Variants in MYT1 observed in about 807,000 individuals in gnomAD.
MYT1 encodes the protein myelin transcription factor 1, also known as myelin transcription factor I.
A neutral mutation model predicts 123.0 loss-of-function variants in MYT1; 23 were observed. The ratio of observed to expected loss-of-function variants is 0.19; its 90% confidence interval spans 0.13 to 0.26. The LOEUF is 0.26. Among genes scored for constraint, MYT1 ranks in the 10% least tolerant of loss-of-function variants. MYT1 has a pLI of 1.00. For missense variants in MYT1, 1,125 were observed against 1,472.5 expected, an observed-to-expected ratio of 0.76 and a Z score of 3.86; for synonymous variants, 518 against 575.3, an observed-to-expected ratio of 0.90 and a Z score of 1.43.
chr20:64,190,850 T>A lies in MYT1; in HGVS notation c.-1+690T>A, dbSNP rs1982948934. Among the ~76,000 whole-genome samples, 1 of 152,154 alleles carries A rather than the reference T, an allele frequency of 6.6e-6. No individual in the cohort carries two copies. Among genetic ancestry groups the A allele is most frequent in the South Asian group, 2.1e-4 (1 of 4,832 alleles). ...CGGGCATGGTGGCATGCGCCTGTAA[T>A]CCCAGCTACTGGGGAGGCTGAGGCA... is the stretch of plus-strand genomic sequence containing the variant. On this transcript the variant is annotated intron_variant, in intron 2 of 22. Transcript: ENST00000328439. This position sits in a 1 kb window ranked among gnomAD's most constrained non-coding sequence, Gnocchi z 4.1.
intron 1 of MYT1, among the ~76,000 whole-genome samples, chr20:64,180,085 G>A (rs888887046): frequency 6.7e-6 from 1 of 149,300 alleles, no homozygotes; most frequent in African/African-American, 2.5e-5. Context: ...ACACACACAT[G>A]CTACACACAG....
At chr20:64,204,910 C>A in intron 4 of MYT1, 125 bp from the exon 5 acceptor site, 1 of 879,092 alleles carries the variant, frequency 1.1e-6, no homozygotes, top group Non-Finnish European at 1.8e-6. Context: ...TTTCAGCAAA[C>A]TGCAGGCAGC....
At chr20:64,223,063 G>A (rs748185976) in intron 14 of MYT1, 48 bp from the exon 15 acceptor site, 11 of 1,606,480 alleles carry the variant, frequency 6.8e-6, no homozygotes, top group African/African-American at 1.3e-5. Flanking sequence ...AGCCTGGGGG[G>A]CAGGTACACA....
At chr20:64,210,828 A>C (rs988317671) in intron 7 of MYT1, among the ~76,000 whole-genome samples, 7 of 152,262 alleles carry the variant, frequency 4.6e-5, no homozygotes, top group Middle Eastern at 3.2e-3. Context: ...GTCAAATCCC[A>C]AGGATATCTC....
intron 1 of MYT1, among the ~76,000 whole-genome samples, chr20:64,169,562 C>T (rs1982182409): frequency 6.6e-6 from 1 of 152,162 alleles, no homozygotes; most frequent in Non-Finnish European, 1.5e-5. Flanking sequence ...CCCAGGGAGC[C>T]CGGGGATGGT....
chr20:64,230,234 C>T (rs1215020527), intron 18 of MYT1, among the ~76,000 whole-genome samples: 1 of 152,154 alleles, frequency 6.6e-6, no homozygotes. Context: ...AGATTTGGGC[C>T]GGGCACTGTG....
At chr20:64,230,042 C>T (rs1013639957) in intron 18 of MYT1, among the ~76,000 whole-genome samples, 1 of 152,166 alleles carries the variant, frequency 6.6e-6, no homozygotes, top group Non-Finnish European at 1.5e-5. Flanking sequence ...CTGCCCCCAC[C>T]GCCCCAGCAC....
intron 1 of MYT1, among the ~76,000 whole-genome samples, chr20:64,181,747 C>G (rs1982657101): frequency 6.6e-6 from 1 of 152,222 alleles, no homozygotes; most frequent in South Asian, 2.1e-4. Context: ...CCAGGAACAG[C>G]CATTATTGAG....
rs143197596 is a variant in MYT1, at chr20:64,230,024, C to A, written c.2675+2053C>A. Among the ~76,000 whole-genome samples, 1,014 of 152,290 alleles carry A rather than the reference C, an allele frequency of 6.7e-3. 27 individuals are homozygous for A. Among genetic ancestry groups the A allele is most frequent in the East Asian group, 0.012 (63 of 5,182 alleles). ...CCAAGAAGCACAGAGGCCTCACCAGCTCAGTGCCTGCCCCCACCGCCCCAG... is the reference window on the plus strand; with the variant it reads ...CCAAGAAGCACAGAGGCCTCACCAGATCAGTGCCTGCCCCCACCGCCCCAG... On this transcript the variant is annotated intron_variant, in intron 18 of 22. Coordinates refer to ENST00000328439, the MANE Select transcript of MYT1 (RefSeq NM_004535.3).
Position 64,242,110 on chromosome 20 carries a change from C to T in MYT1, c.*1662C>T, listed in dbSNP as rs537074882. The T allele has an allele frequency of 2.0e-5, 3 of 152,686 alleles. No individual in the cohort carries two copies. Among genetic ancestry groups the T allele is most frequent in the African/African-American group, 4.8e-5 (2 of 41,540 alleles). The allele number at this position is 152,686 out of a possible 1,614,324, so 9.5% of individuals were successfully genotyped here. ...CTGGCCGCAGGCAGCCTCGAGTCACCGCCAGGCTCACAGGCTGTGCCACCC... is the reference window on the plus strand; with the variant it reads ...CTGGCCGCAGGCAGCCTCGAGTCACTGCCAGGCTCACAGGCTGTGCCACCC... On this transcript the variant is annotated 3_prime_UTR_variant, in exon 23 of 23. Coordinates refer to ENST00000328439, the MANE Select transcript of MYT1 (RefSeq NM_004535.3).
intron 1 of MYT1, among the ~76,000 whole-genome samples, chr20:64,177,743 TG>T (rs1436676057): frequency 6.7e-6 from 1 of 149,272 alleles, no homozygotes; most frequent in Non-Finnish European, 1.5e-5. Context: ...GGGGCAAATG[TG>T]GGGGGTCCTG....
At chr20:64,209,504 TC>T (rs1394991988) in intron 7 of MYT1, among the ~76,000 whole-genome samples, 1 of 152,270 alleles carries the variant, frequency 6.6e-6, no homozygotes, top group African/African-American at 2.4e-5. Context: ...GCATCTCTTC[TC>T]CAGGTGGACG....
intron 1 of MYT1, among the ~76,000 whole-genome samples, chr20:64,188,715 C>G (rs9973997): frequency 6.6e-6 from 1 of 152,210 alleles, no homozygotes; most frequent in Non-Finnish European, 1.5e-5. Flanking sequence ...CCGCTCACAC[C>G]GGCTCAGTGC....
chr20:64,228,116 C>A, intron 18 of MYT1, 145 bp downstream of exon 18: 1 of 736,814 alleles, frequency 1.4e-6, no homozygotes, highest in Non-Finnish European at 2.3e-6. Flanking sequence ...TCGTTTCTTT[C>A]ATTTTTATGG....
chr20:64,176,883 G>A (rs564610614), intron 1 of MYT1, among the ~76,000 whole-genome samples: 20 of 152,330 alleles, frequency 1.3e-4, no homozygotes, highest in Admixed American at 3.3e-4. Flanking sequence ...TGGAGAGCCC[G>A]TCCTGTGATT....
chr20:64,187,004 C>G (rs1982824821), intron 1 of MYT1, among the ~76,000 whole-genome samples: 1 of 145,936 alleles, frequency 6.9e-6, no homozygotes, highest in African/African-American at 2.6e-5. Context: ...GCCCCGGCAT[C>G]CACGTTTCCG....
At chr20:64,223,396 G>A (rs569952460) in intron 16 of MYT1, 37 bp downstream of exon 16, 5 of 1,610,026 alleles carry the variant, frequency 3.1e-6, no homozygotes, top group South Asian at 2.2e-5. Context: ...TCTCTTGGGC[G>A]GCACCCTCGC....
In MYT1 at chr20:64,232,313, A is replaced by G; in HGVS notation, c.2825A>G (p.Glu942Gly). ...SSFSWKSLKNEGPTCPTPGCD... is the reference protein window; with the variant it reads ...SSFSWKSLKNGGPTCPTPGCD... ...TTCTCCTGGAAGTCCCTGAAGAATG[A>G]AGGACCGACCTGCCCCACCCCGGGC... The change falls in exon 19 of 23, where the codon GAA (glutamate) becomes GGA (glycine). Residue 942 changes from glutamate to glycine, a missense_variant. Transcript: ENST00000328439. The surrounding 1 kb of genome is among the most constrained non-coding windows in gnomAD (Gnocchi z 6.9). The G allele has an allele frequency of 6.2e-7, 1 of 1,613,034 alleles. No individual in the cohort carries two copies. Among genetic ancestry groups the G allele is most frequent in the Admixed American group, 1.7e-5 (1 of 60,032 alleles).
rs1984359809 is a variant in MYT1 at position 64,232,750 on chromosome 20, A to C, written c.2897+365A>C. Reference sequence around the variant, plus strand: ...ACTTCTCAGGAAAAGTTTGTCTCCTACACCTTATGCCCTGTCCCTCCCATT... The same window carrying C: ...ACTTCTCAGGAAAAGTTTGTCTCCTCCACCTTATGCCCTGTCCCTCCCATT... On this transcript the variant is annotated intron_variant, in intron 19 of 22. Transcript: ENST00000328439. This position sits in a 1 kb window ranked among gnomAD's most constrained non-coding sequence, Gnocchi z 6.9. 6.6e-6 allele frequency among the ~76,000 whole-genome samples: 1 copy of C among 151,886 alleles called. No homozygotes were observed. Among genetic ancestry groups the C allele is most frequent in the African/African-American group, 2.4e-5 (1 of 41,314 alleles).
Sources: gnomAD v4.1 joint callset for allele counts (sites outside exome capture counted in the v4.1 genomes callset) on GRCh38, gnomAD v4.1.1 for gene constraint, Gnocchi (gnomAD v3.1) non-coding constraint, MANE v1.5 for transcripts, NCBI Gene and HGNC (gene_info 2026-07-23, HGNC 2026-07-21) for gene names.